Variants in ARMC6 observed in about 807,000 individuals in gnomAD.
The protein encoded by ARMC6 is armadillo repeat containing 6, also known as armadillo repeat-containing protein 6.
Under a neutral mutation model 49.2 loss-of-function variants are expected in ARMC6, and 43 were observed. That is an observed-to-expected ratio of 0.87 (90% CI 0.69 to 1.13). The LOEUF (loss-of-function observed/expected upper bound fraction) is 1.13. Ranked by LOEUF, ARMC6 falls within the 50% of genes most tolerant of loss-of-function variation. ARMC6 has a pLI of 0.00. For synonymous variants in ARMC6, 262 were observed against 289.6 expected, an observed-to-expected ratio of 0.90 and a Z score of 0.97; for missense variants, 627 against 682.0, an observed-to-expected ratio of 0.92 and a Z score of 0.90.
chr19:19,034,345 A>C, intron 2 of ARMC6, 107 bp downstream of exon 2: 4 of 1,364,134 alleles, frequency 2.9e-6, no homozygotes, highest in South Asian at 1.2e-5. Context: ...AAGGATGAGA[A>C]AGGCGGGGAA....
At chr19:19,036,959 G>A (rs1257224915) in intron 2 of ARMC6, among the ~76,000 whole-genome samples, 3 of 152,004 alleles carry the variant, frequency 2.0e-5, no homozygotes, top group Admixed American at 6.6e-5. Context: ...GCCGAGGCAG[G>A]TGGGTCACCT....
Position 19,057,807 on chromosome 19 carries a change from A to G in ARMC6, c.*179A>G. ...GAGCCTTGTAGGGAGGCCTCTACAC[A>G]GAAGAAAGCAGCCCCCATGTCCCAG... On this transcript the variant is annotated 3_prime_UTR_variant, in exon 9 of 9. Coordinates refer to ENST00000535612, the MANE Select transcript of ARMC6 (RefSeq NM_001199196.2). 1 of 781,358 alleles carries G rather than the reference A, an allele frequency of 1.3e-6. No homozygotes were observed. Among genetic ancestry groups the G allele is most frequent in the Non-Finnish European group, 2.3e-6 (1 of 437,974 alleles). The allele number at this position is 781,358 out of a possible 1,614,324, so 48.4% of individuals were successfully genotyped here. A position where few individuals can be genotyped will look rare whatever the true frequency, so the allele number is the denominator to read the frequency against.
At chr19:19,045,587 A>G (rs2059443862) in intron 4 of ARMC6, among the ~76,000 whole-genome samples, 1 of 145,152 alleles carries the variant, frequency 6.9e-6, no homozygotes, top group Non-Finnish European at 1.5e-5. Context: ...TCTTGGGTTC[A>G]AGCAATTCTC....
At chr19:19,046,927 GTTT>G (rs386388691) in intron 4 of ARMC6, among the ~76,000 whole-genome samples, 3 of 104,374 alleles carry the variant, frequency 2.9e-5, no homozygotes, top group African/African-American at 1.1e-4. Context: ...ATGCTCACCT[GTTT>G]TTTTTTTTTT....
chr19:19,037,209 A>G (rs898827695), intron 2 of ARMC6, among the ~76,000 whole-genome samples: 1 of 151,766 alleles, frequency 6.6e-6, no homozygotes, highest in African/African-American at 2.4e-5. Flanking sequence ...AGGGCATTGA[A>G]GTGGAGGGCA....
intron 2 of ARMC6, among the ~76,000 whole-genome samples, chr19:19,034,972 C>T (rs2059340862): frequency 6.6e-6 from 1 of 152,044 alleles, no homozygotes; most frequent in South Asian, 2.1e-4. Flanking sequence ...GGCCATTCTC[C>T]TGCCTCAGCC....
At chr19:19,044,127 A>G (rs1289001180) in intron 4 of ARMC6, 53 bp downstream of exon 4, 2 of 1,529,010 alleles carry the variant, frequency 1.3e-6, no homozygotes, top group Non-Finnish European at 1.8e-6. Flanking sequence ...GTCTGGGGGC[A>G]CCTCTTCCCT....
chr19:19,040,715 C>A, intron 2 of ARMC6: 1 of 430,812 alleles, frequency 2.3e-6, no homozygotes, highest in Non-Finnish European at 4.7e-6. Context: ...ATGGCATGAT[C>A]TCGGCTCACT....
At chr19:19,043,936 G>GGGCC in intron 3 of ARMC6, 56 bp from the exon 4 acceptor site, 1 of 1,533,892 alleles carries the variant, frequency 6.5e-7, no homozygotes, top group Non-Finnish European at 9.0e-7. Context: ...CCACGGGGAT[G>GGGCC]ACAGCTGTCA....
chr19:19,044,999 T>C (rs567799289), intron 4 of ARMC6, among the ~76,000 whole-genome samples: 8 of 152,222 alleles, frequency 5.3e-5, no homozygotes, highest in Non-Finnish European at 1.0e-4. Flanking sequence ...GATGAATTTA[T>C]TTTATTATAT....
chr19:19,055,310 A>T lies in ARMC6; in HGVS notation c.1069A>T (p.Asn357Tyr), dbSNP rs373374526. The change falls in exon 7 of 9, where the codon AAC becomes TAC. Residue 357 changes from asparagine to tyrosine, a missense_variant. Transcript: ENST00000535612. The surrounding 1 kb of genome is among the most constrained non-coding windows in gnomAD (Gnocchi z 5.7). ...VLSTLRAIAGNDDVKDAIVRA... is the reference protein window; with the variant it reads ...VLSTLRAIAGYDDVKDAIVRA... ...GAGCACCCTGCGAGCCATCGCAGGC[A>T]ACGACGACGTGAAAGATGCTATTGT... 1 of 1,612,882 alleles carries T rather than the reference A, an allele frequency of 6.2e-7. No individual in the cohort carries two copies. The highest frequency in any genetic ancestry group is 8.5e-7 in the Non-Finnish European group (1 of 1,179,382).
At position 19,055,954 on chromosome 19, in the gene ARMC6, G is replaced by A; in HGVS notation, c.1293+26G>A. The A allele has an allele frequency of 8.1e-6, 13 of 1,597,458 alleles. No individual in the cohort carries two copies. The highest frequency in any genetic ancestry group is 1.0e-5 in the Non-Finnish European group (12 of 1,175,770). On this transcript the variant is annotated intron_variant, in intron 8 of 8. Coordinates refer to ENST00000535612, the MANE Select transcript of ARMC6 (RefSeq NM_001199196.2). The surrounding 1 kb of genome is among the most constrained non-coding windows in gnomAD (Gnocchi z 5.7). ...GTGGGCAGGGCAGGGGATGGGGGCA[G>A]GCAGGCTGGTGTGGGATGTGCAGGT... is the stretch of plus-strand genomic sequence containing the variant.
chr19:19,057,446 G>A lies in ARMC6; in HGVS notation c.1324G>A (p.Val442Met), dbSNP rs759031944. 3.1e-6 allele frequency: 5 copies of A among 1,613,700 alleles called. No homozygotes were observed. The South Asian group carries it at 5.5e-5, about 18-fold the overall frequency. The change falls in exon 9 of 9, where the codon GTG (valine) becomes ATG (methionine). Residue 442 changes from valine to methionine, a missense_variant. Transcript: ENST00000535612. Reference sequence around the variant, plus strand: ...GGCTTGCATGCTGATCCGAAACCTGGTGGCCCACGGCCAGGCCTTCTCGAA... The same window carrying A: ...GGCTTGCATGCTGATCCGAAACCTGATGGCCCACGGCCAGGCCTTCTCGAA... ...KQACMLIRNLVAHGQAFSKPI... is the reference protein window; with the variant it reads ...KQACMLIRNLMAHGQAFSKPI...
At position 19,051,665 on chromosome 19, in the gene ARMC6, A is replaced by G. The variant is rs765488016; in HGVS notation, c.323A>G (p.Gln108Arg). Reference protein sequence around the residue: ...LQESVASSRPQEVSAYLTRFC... With the variant: ...LQESVASSRPREVSAYLTRFC... ...GAGTCTGTGGCCAGCTCTCGCCCCC[A>G]GGAGGTGTCAGCATACCTCACCCGC... Residue 108 changes from glutamine (Q) to arginine (R), a missense_variant, in exon 5 of 9, where the codon CAG (glutamine) becomes CGG (arginine). Gln to Arg is a conservative substitution (Grantham distance 43). Coordinates refer to ENST00000535612, the MANE Select transcript of ARMC6 (RefSeq NM_001199196.2). 4.8e-5 allele frequency: 78 copies of G among 1,612,420 alleles called. No homozygotes were observed. Among genetic ancestry groups the G allele is most frequent in the Non-Finnish European group, 6.3e-5 (74 of 1,179,280 alleles).
chr19:19,044,367 C>G (rs1358320500), intron 4 of ARMC6, among the ~76,000 whole-genome samples: 1 of 152,224 alleles, frequency 6.6e-6, no homozygotes, highest in Non-Finnish European at 1.5e-5. Context: ...AGGTGCCCCT[C>G]TGGCTTCCCA....
chr19:19,054,749 C>T (rs1160282742), intron 6 of ARMC6, among the ~76,000 whole-genome samples: 1 of 152,174 alleles, frequency 6.6e-6, no homozygotes, highest in East Asian at 1.9e-4. Flanking sequence ...AGGAAAGCCC[C>T]CAGGGGTGCC....
intron 4 of ARMC6, among the ~76,000 whole-genome samples, 169 bp from the exon 5 acceptor site, chr19:19,051,453 C>T (rs2059496409): frequency 6.6e-6 from 1 of 150,746 alleles, no homozygotes; most frequent in East Asian, 2.0e-4. Flanking sequence ...GCTCAAAGCT[C>T]CTAGAATCAC....
intron 6 of ARMC6, 26 bp downstream of exon 6, chr19:19,054,347 G>C: frequency 6.7e-7 from 1 of 1,485,812 alleles, no homozygotes; most frequent in Non-Finnish European, 9.0e-7. Flanking sequence ...GGCCCATTGC[G>C]TGCTGTCCTT....
In ARMC6 at chr19:19,052,053, C is replaced by T. The variant is rs201165501; in HGVS notation, c.711C>T (p.Asp237=). ...TCACCCATCATGGCCACCACACTGA[C>T]GTGGTCAGGGAAGCCTGCTGGGCCC... ...GAITHHGHHT[D]VVREACWALR... is the part of the protein sequence containing the mutation. Residue 237 remains aspartate, a synonymous_variant, in exon 5 of 9, where the codon GAC becomes GAT. Coordinates refer to ENST00000535612, the MANE Select transcript of ARMC6 (RefSeq NM_001199196.2). 32 of 1,614,002 alleles carry T rather than the reference C, an allele frequency of 2.0e-5. No individual in the cohort carries two copies. The highest frequency in any genetic ancestry group is 1.9e-4 in the African/African-American group (14 of 75,070).
Sources: gnomAD v4.1 joint callset for allele counts (sites outside exome capture counted in the v4.1 genomes callset) on GRCh38, gnomAD v4.1.1 for gene constraint, Gnocchi (gnomAD v3.1) non-coding constraint, MANE v1.5 for transcripts, NCBI Gene and HGNC (gene_info 2026-07-23, HGNC 2026-07-21) for gene names.